Variants in KHDRBS2 observed in about 807,000 individuals in gnomAD.
KHDRBS2 encodes KH RNA binding domain containing, signal transduction associated 2.
Under a neutral mutation model 44.3 loss-of-function variants are expected in KHDRBS2, and 26 were observed. The ratio of observed to expected loss-of-function variants is 0.59; its 90% CI spans 0.43 to 0.81. KHDRBS2 has a LOEUF of 0.81. Ranked by LOEUF, KHDRBS2 falls within the 40% of genes least tolerant of loss-of-function variation. The pLI is 0.00. For synonymous variants in KHDRBS2, 194 were observed against 151.1 expected (o/e 1.28, Z -2.08); for missense variants, 476 against 433.1 (o/e 1.10, Z -0.88).
At chr6:61,569,461 C>T in the KHDRBS2 span, among the ~76,000 whole-genome samples, 1 of 152,312 alleles carries the variant, frequency 6.6e-6, no homozygotes, top group African/African-American at 2.4e-5. Context: ...ATGCCACCTC[C>T]TGGCTGGAGG....
intron 2 of KHDRBS2, among the ~76,000 whole-genome samples, chr6:62,049,073 G>C (rs1441518501): frequency 2.0e-5 from 3 of 151,418 alleles, no homozygotes; most frequent in Non-Finnish European, 4.4e-5. Flanking sequence ...CCCAAGTCCA[G>C]AATAAAAAGA....
chr6:61,869,916 A>T (rs1409819653), intron 6 of KHDRBS2, among the ~76,000 whole-genome samples: 1 of 151,972 alleles, frequency 6.6e-6, no homozygotes, highest in African/African-American at 2.4e-5. Context: ...GGTTTCAAAC[A>T]AAAAACTGGG....
At chr6:62,091,495 G>T (rs1387352960) in intron 2 of KHDRBS2, among the ~76,000 whole-genome samples, 1 of 152,126 alleles carries the variant, frequency 6.6e-6, no homozygotes, top group Non-Finnish European at 1.5e-5. Context: ...CACAGTGATT[G>T]TAGTTGTTGA....
the KHDRBS2 span, among the ~76,000 whole-genome samples, chr6:61,590,532 C>T: frequency 1.3e-5 from 2 of 152,236 alleles, no homozygotes; most frequent in East Asian, 3.9e-4. Context: ...ATATATATAA[C>T]ATGTTATGGG....
intron 7 of KHDRBS2, among the ~76,000 whole-genome samples, chr6:61,703,128 C>A (rs912536218): frequency 6.6e-6 from 1 of 151,404 alleles, no homozygotes; most frequent in Admixed American, 6.6e-5. Context: ...ATTAAATAAC[C>A]AGGTTGTATT....
At chr6:61,808,075 T>G (rs1201047396) in intron 6 of KHDRBS2, among the ~76,000 whole-genome samples, 1 of 152,138 alleles carries the variant, frequency 6.6e-6, no homozygotes, top group East Asian at 1.9e-4. Flanking sequence ...GGCATCTTAT[T>G]TGAGAAGTAA....
At chr6:61,810,796 C>T (rs1484130906) in intron 6 of KHDRBS2, among the ~76,000 whole-genome samples, 1 of 151,986 alleles carries the variant, frequency 6.6e-6, no homozygotes, top group East Asian at 1.9e-4. Flanking sequence ...AAATAATGCA[C>T]TGTGATCTAA....
intron 2 of KHDRBS2, among the ~76,000 whole-genome samples, chr6:62,137,557 T>C (rs1811844262): frequency 6.6e-6 from 1 of 152,184 alleles, no homozygotes; most frequent in African/African-American, 2.4e-5. Flanking sequence ...TGATAGTTGG[T>C]CTTAGTATTA....
chr6:61,817,003 T>C (rs1789061870), intron 6 of KHDRBS2: 1 of 455,704 alleles, frequency 2.2e-6, no homozygotes, highest in Non-Finnish European at 4.4e-6. Flanking sequence ...GTGGTAATGA[T>C]GGCTGAAACA....
At chr6:62,051,388 T>A (rs1584374357) in intron 2 of KHDRBS2, among the ~76,000 whole-genome samples, 2 of 152,046 alleles carry the variant, frequency 1.3e-5, no homozygotes, top group East Asian at 3.9e-4. Flanking sequence ...ATATGATATA[T>A]AATAAAGGTC....
intron 6 of KHDRBS2, 72 bp downstream of exon 6, chr6:61,894,563 A>G: frequency 1.6e-6 from 2 of 1,223,670 alleles, no homozygotes; most frequent in Non-Finnish European, 2.3e-6. Flanking sequence ...CGGTATATGA[A>G]CAGTTTGAGA....
rs528194710 is a variant in KHDRBS2, at chr6:61,727,586, T to C, written c.893+5096A>G. ...GAGTCTACAAGGACCTTAAACAAAT[T>C]TACAGGAAACAAACAACCCCATTAA... On this transcript the variant is annotated intron_variant, in intron 7 of 8. Transcript: ENST00000281156. 9.9e-5 allele frequency among the ~76,000 whole-genome samples: 15 copies of C among 152,048 alleles called. No homozygotes were observed. The South Asian group carries it at 3.1e-3, about 32-fold the overall frequency.
intron 6 of KHDRBS2, among the ~76,000 whole-genome samples, chr6:61,789,013 C>T (rs2127584546): frequency 6.6e-6 from 1 of 151,520 alleles, no homozygotes; most frequent in East Asian, 1.9e-4. Context: ...CACTTAGTTA[C>T]TTGGCAAGTT....
the KHDRBS2 span, among the ~76,000 whole-genome samples, chr6:61,673,217 G>A: frequency 2.0e-5 from 3 of 151,988 alleles, no homozygotes; most frequent in South Asian, 6.2e-4. Flanking sequence ...TCTCTGTTTT[G>A]GTACCAGTAC....
the KHDRBS2 span, among the ~76,000 whole-genome samples, chr6:61,578,836 C>G: frequency 6.6e-6 from 1 of 152,158 alleles, no homozygotes; most frequent in South Asian, 2.1e-4. Context: ...TCATTGTCTT[C>G]TTTAAAGAAG....
intron 7 of KHDRBS2, among the ~76,000 whole-genome samples, chr6:61,707,421 A>G (rs1308859598): frequency 1.3e-5 from 2 of 151,822 alleles, no homozygotes; most frequent in African/African-American, 2.4e-5. Context: ...GAAATTTCCA[A>G]TATAAAAATA....
chr6:61,961,236 A>T (rs1327348419), intron 4 of KHDRBS2, among the ~76,000 whole-genome samples: 2 of 152,090 alleles, frequency 1.3e-5, no homozygotes, highest in Non-Finnish European at 2.9e-5. Context: ...TCTTATCTCT[A>T]ATGATAGTCA....
At chr6:61,639,758 A>G in the KHDRBS2 span, among the ~76,000 whole-genome samples, 1 of 152,138 alleles carries the variant, frequency 6.6e-6, no homozygotes, top group Non-Finnish European at 1.5e-5. Flanking sequence ...ATTGTTCATT[A>G]TACAGTAGTT....
chr6:62,179,601 G>C (rs1164289172), intron 1 of KHDRBS2, among the ~76,000 whole-genome samples: 2 of 151,686 alleles, frequency 1.3e-5, no homozygotes, highest in African/African-American at 2.4e-5. Flanking sequence ...TCGTAATGTG[G>C]AACACAGTGA....
Sources: allele counts gnomAD v4.1 joint callset (sites outside exome capture counted in the v4.1 genomes callset), GRCh38; gene constraint gnomAD v4.1.1; transcripts MANE v1.5; gene names NCBI Gene and HGNC (gene_info 2026-07-23, HGNC 2026-07-21).